Variants in PALLD observed in about 807,000 individuals in gnomAD.
The protein encoded by PALLD is palladin, cytoskeletal associated protein.
A neutral mutation model predicts 123.5 loss-of-function variants in PALLD; 61 were observed. The ratio of observed to expected loss-of-function variants is 0.49; its 90% CI spans 0.40 to 0.61. PALLD has a LOEUF of 0.61. PALLD is among the 20% of genes least tolerant of loss of function. The probability of loss-of-function intolerance (pLI) is 0.00; values close to 1 mark genes in which losing one functional copy is unlikely to be tolerated. For missense variants in PALLD, 1,273 were observed against 1,377.0 expected, an observed-to-expected ratio of 0.92 and a Z score of 1.20; for synonymous variants, 465 against 496.4, an observed-to-expected ratio of 0.94 and a Z score of 0.84.
chr4:168,809,542 A>G (rs762384361), intron 10 of PALLD, among the ~76,000 whole-genome samples: 6 of 152,184 alleles, frequency 3.9e-5, no homozygotes, highest in African/African-American at 4.8e-5. Flanking sequence ...GGCTAAAGAC[A>G]GACTCTGGAA....
intron 10 of PALLD, among the ~76,000 whole-genome samples, chr4:168,713,675 A>T (rs1182160687): frequency 6.6e-6 from 1 of 152,170 alleles, no homozygotes; most frequent in African/African-American, 2.4e-5. Flanking sequence ...CTTCGCGTTC[A>T]TTAAGAGGAT....
intron 10 of PALLD, among the ~76,000 whole-genome samples, chr4:168,834,190 G>A (rs961915025): frequency 6.6e-6 from 1 of 151,946 alleles, no homozygotes; most frequent in Non-Finnish European, 1.5e-5. Context: ...GGAGCATGGG[G>A]GATGGTTGGA....
chr4:168,688,193 C>A (rs1782270395), intron 6 of PALLD, among the ~76,000 whole-genome samples: 1 of 152,210 alleles, frequency 6.6e-6, no homozygotes, highest in South Asian at 2.1e-4. Flanking sequence ...TACTTTGTCA[C>A]TCATAGCACC....
At chr4:168,658,767 TA>T (rs1778851657) in intron 2 of PALLD, among the ~76,000 whole-genome samples, 1 of 152,242 alleles carries the variant, frequency 6.6e-6, no homozygotes, top group Admixed American at 6.5e-5. Context: ...ATAAAGTGGT[TA>T]TTTGAGGAAA....
intron 1 of PALLD, chr4:168,506,259 C>T (rs1477686450): frequency 6.6e-6 from 1 of 152,220 alleles, no homozygotes; most frequent in Non-Finnish European, 1.5e-5. Context: ...CCTTTTTCTA[C>T]AACAGCTATT....
intron 21 of PALLD, 51 bp from the exon 22 acceptor site, chr4:168,926,162 T>C (rs1762551304): frequency 1.4e-6 from 2 of 1,387,760 alleles, no homozygotes; most frequent in African/African-American, 1.4e-5. Flanking sequence ...ATCTAAAGGC[T>C]TTCCAAGTAT....
chr4:168,698,490 A>T (rs1783366626), intron 8 of PALLD, among the ~76,000 whole-genome samples: 1 of 152,172 alleles, frequency 6.6e-6, no homozygotes, highest in Non-Finnish European at 1.5e-5. Flanking sequence ...TCATGTACCC[A>T]GTAAATATAT....
chr4:168,546,754 G>T (rs142430394), intron 2 of PALLD, among the ~76,000 whole-genome samples: 1 of 152,134 alleles, frequency 6.6e-6, no homozygotes, highest in Non-Finnish European at 1.5e-5. Context: ...AAAACTAAGC[G>T]CAAATTCCAA....
intron 10 of PALLD, among the ~76,000 whole-genome samples, chr4:168,879,012 G>A (rs1752247675): frequency 6.6e-6 from 1 of 152,152 alleles, no homozygotes; most frequent in African/African-American, 2.4e-5. Flanking sequence ...TAAATCTAGT[G>A]ATTGACTGGA....
intron 10 of PALLD, among the ~76,000 whole-genome samples, chr4:168,833,516 A>G (rs1744648998): frequency 6.6e-6 from 1 of 152,136 alleles, no homozygotes; most frequent in Non-Finnish European, 1.5e-5. Flanking sequence ...GACATGGAAT[A>G]ATATGATCCT....
chr4:168,565,741 G>A (rs1367521264), intron 2 of PALLD, among the ~76,000 whole-genome samples: 3 of 151,962 alleles, frequency 2.0e-5, no homozygotes, highest in African/African-American at 4.8e-5. Flanking sequence ...ACTTTACATT[G>A]TCACCATCAC....
intron 11 of PALLD, among the ~76,000 whole-genome samples, chr4:168,892,022 C>T (rs1342340777): frequency 6.6e-6 from 1 of 152,124 alleles, no homozygotes; most frequent in Non-Finnish European, 1.5e-5. Flanking sequence ...AGCTGCAGAA[C>T]TGTAGAGTAC....
At chr4:168,516,591 G>A (rs1763009905) in intron 2 of PALLD, among the ~76,000 whole-genome samples, 1 of 152,042 alleles carries the variant, frequency 6.6e-6, no homozygotes, top group African/African-American at 2.4e-5. Flanking sequence ...GAAATGATGT[G>A]CCTAGTAATA....
intron 10 of PALLD, among the ~76,000 whole-genome samples, chr4:168,752,578 G>C (rs1731206910): frequency 6.6e-6 from 1 of 152,150 alleles, no homozygotes; most frequent in Non-Finnish European, 1.5e-5. Context: ...AAAGTCTGTT[G>C]TACAGTTCTG....
At chr4:168,620,493 C>A (rs1349873024) in intron 2 of PALLD, among the ~76,000 whole-genome samples, 1 of 152,034 alleles carries the variant, frequency 6.6e-6, no homozygotes, top group Admixed American at 6.5e-5. Flanking sequence ...GGCAAAAAAC[C>A]AGGGAACTCA....
At chr4:168,788,900 A>G (rs1431802437) in intron 10 of PALLD, among the ~76,000 whole-genome samples, 1 of 152,216 alleles carries the variant, frequency 6.6e-6, no homozygotes, top group Admixed American at 6.5e-5. Context: ...ATTAATACAT[A>G]TACTACCACC....
intron 10 of PALLD, among the ~76,000 whole-genome samples, chr4:168,848,456 T>G (rs995146230): frequency 1.3e-5 from 2 of 152,060 alleles, no homozygotes; most frequent in African/African-American, 2.4e-5. Flanking sequence ...TAGACACAGA[T>G]CTACTTGGTG....
At chr4:168,700,435 A>G (rs1783566645) in intron 8 of PALLD, 1 of 152,240 alleles carries the variant, frequency 6.6e-6, no homozygotes, top group Non-Finnish European at 1.5e-5. Flanking sequence ...GTATTCCTAT[A>G]AAATCATACA....
At chr4:168,761,205 A>G (rs1171714152) in intron 10 of PALLD, among the ~76,000 whole-genome samples, 1 of 152,158 alleles carries the variant, frequency 6.6e-6, no homozygotes, top group East Asian at 1.9e-4. Flanking sequence ...GTTTTAAGAC[A>G]CACATTTCCA....
Sources: gnomAD v4.1 joint callset for allele counts (sites outside exome capture counted in the v4.1 genomes callset) on GRCh38, gnomAD v4.1.1 for gene constraint, MANE v1.5 for transcripts, NCBI Gene and HGNC (gene_info 2026-07-23, HGNC 2026-07-21) for gene names.